The following ALOX5AP variants were observed in gnomAD, a reference collection of about 807,000 sequenced individuals.
ALOX5AP encodes the protein arachidonate 5-lipoxygenase-activating protein.
In ALOX5AP, 9 loss-of-function variants were observed where a neutral mutation model predicts 18.5. The ratio of observed to expected loss-of-function variants is 0.49; its 90% CI spans 0.29 to 0.85. The LOEUF is 0.85. Ranked by LOEUF, ALOX5AP falls within the 40% of genes least tolerant of loss-of-function variation. The pLI is 0.08. For synonymous variants in ALOX5AP, 81 were observed against 78.6 expected, an observed-to-expected ratio of 1.03 and a Z score of -0.16; for missense variants, 172 against 202.5, an observed-to-expected ratio of 0.85 and a Z score of 0.91.
At chr13:30,761,735 T>C (rs17238969) in intron 4 of ALOX5AP, among the ~76,000 whole-genome samples, 4,811 of 152,264 alleles carry the variant, frequency 0.032, 107 homozygotes, top group Non-Finnish European at 0.048. Flanking sequence ...GAGTGCCACC[T>C]TCTACCTGTG....
chr13:30,764,194 T>G lies in ALOX5AP; in HGVS notation c.*88T>G, dbSNP rs555235644. ...AGCTCTTGAGAGCATTCTGCTCTTC[T>G]TTAGATGGCTGTAAATCTATTGGCC... On this transcript the variant is annotated 3_prime_UTR_variant, in exon 5 of 5. Transcript: ENST00000380490. 51 of 1,379,818 alleles carry G rather than the reference T, an allele frequency of 3.7e-5. No homozygotes were observed. In the East Asian group the frequency reaches 1.2e-3, roughly 32 times the overall value. The allele number at this position is 1,379,818 out of a possible 1,614,324, so 85.5% of individuals were successfully genotyped here. A position where few individuals can be genotyped will look rare whatever the true frequency, so the allele number is the denominator to read the frequency against.
intron 2 of ALOX5AP, 126 bp from the exon 3 acceptor site, chr13:30,751,926 A>G: frequency 1.1e-6 from 1 of 916,676 alleles, no homozygotes; most frequent in South Asian, 1.6e-5. Flanking sequence ...TGTAAGTGGA[A>G]TTACGAATGG....
chr13:30,758,746 C>T (rs906489058), intron 4 of ALOX5AP, among the ~76,000 whole-genome samples: 34 of 152,040 alleles, frequency 2.2e-4, no homozygotes, highest in Non-Finnish European at 4.6e-4. Flanking sequence ...ATCTTGGTTT[C>T]GTTTCTTTTC....
At chr13:30,756,728 G>A (rs1040439633) in intron 4 of ALOX5AP, among the ~76,000 whole-genome samples, 1 of 146,062 alleles carries the variant, frequency 6.8e-6, no homozygotes, top group African/African-American at 2.6e-5. Context: ...CTGGAGAATC[G>A]CTTGAACCCA....
chr13:30,733,631 G>T (rs1043307029), upstream of ALOX5AP, among the ~76,000 whole-genome samples: 3 of 152,156 alleles, frequency 2.0e-5, no homozygotes, highest in Admixed American at 6.5e-5. Flanking sequence ...TTTTTTTCTG[G>T]GTGTGTTAGG....
chr13:30,714,425 A>G (rs1423321920), intron 1 of ALOX5AP, among the ~76,000 whole-genome samples: 1 of 151,988 alleles, frequency 6.6e-6, no homozygotes, highest in Non-Finnish European at 1.5e-5. Flanking sequence ...GATGTGGGGC[A>G]TCATCCACTT....
At chr13:30,760,220 A>G (rs1951929710) in intron 4 of ALOX5AP, among the ~76,000 whole-genome samples, 1 of 144,078 alleles carries the variant, frequency 6.9e-6, no homozygotes, top group Non-Finnish European at 1.5e-5. Flanking sequence ...TTCTGTTCCT[A>G]CCTCGTATTT....
chr13:30,713,841 G>GTT lies in ALOX5AP; in HGVS notation c.116_116+1insTT (p.Trp39CysfsTer26). 1 of 1,438,538 alleles carries GTT rather than the reference G, an allele frequency of 7.0e-7. No individual in the cohort carries two copies. The highest frequency in any genetic ancestry group is 1.2e-5 in the South Asian group (1 of 81,142). The allele number at this position is 1,438,538 out of a possible 1,614,324, so 89.1% of individuals were successfully genotyped here. On this transcript the variant is annotated frameshift_variant and splice_region_variant. Transcript: ENST00000617770. LOFTEE classifies it high-confidence loss of function. ...ATTGGGAACATAAGCCATCAGTGCT[G>GTT]GTGTGTGTGTGTGTGCGCGCACACG...
upstream of ALOX5AP, among the ~76,000 whole-genome samples, chr13:30,731,263 C>T (rs1041098183): frequency 1.3e-5 from 2 of 152,122 alleles, no homozygotes; most frequent in Admixed American, 6.5e-5. Context: ...GTTCTGAAGA[C>T]GATTCCGGTA....
intron 4 of ALOX5AP, among the ~76,000 whole-genome samples, chr13:30,762,393 A>G (rs148451672): frequency 7.2e-5 from 11 of 152,316 alleles, no homozygotes; most frequent in African/African-American, 2.4e-4. Context: ...GTTCGAGACC[A>G]GCCTGGCCAA....
At chr13:30,736,148 C>G (rs1380799002) in intron 1 of ALOX5AP, among the ~76,000 whole-genome samples, 1 of 152,106 alleles carries the variant, frequency 6.6e-6, no homozygotes, top group Non-Finnish European at 1.5e-5. Context: ...TAGAAAAAAT[C>G]ATCTTATTAT....
intron 4 of ALOX5AP, among the ~76,000 whole-genome samples, chr13:30,762,737 G>A (rs1265137756): frequency 3.3e-5 from 5 of 152,200 alleles, no homozygotes; most frequent in Admixed American, 1.3e-4. Context: ...TTGGCAGTAC[G>A]AAGTTAGCTG....
chr13:30,760,266 A>AG (rs937616858), intron 4 of ALOX5AP, among the ~76,000 whole-genome samples: 17 of 106,266 alleles, frequency 1.6e-4, no homozygotes, highest in South Asian at 3.6e-4. Context: ...GAAGTGGAGG[A>AG]GGGGGGGTGA....
chr13:30,756,078 AG>A, intron 4 of ALOX5AP, 53 bp downstream of exon 4: 1 of 1,545,234 alleles, frequency 6.5e-7, no homozygotes, highest in Non-Finnish European at 8.9e-7. Context: ...ATTTTTGAGC[AG>A]GAAGAGTGAC....
At chr13:30,757,269 A>G (rs1169069012) in intron 4 of ALOX5AP, among the ~76,000 whole-genome samples, 1 of 152,162 alleles carries the variant, frequency 6.6e-6, no homozygotes, top group African/African-American at 2.4e-5. Context: ...TGAAAGCGCT[A>G]TATCTGGAAA....
At chr13:30,737,389 C>G (rs1021166431) in intron 1 of ALOX5AP, among the ~76,000 whole-genome samples, 9 of 152,190 alleles carry the variant, frequency 5.9e-5, no homozygotes, top group Admixed American at 5.9e-4. Context: ...TCTAGCAAAC[C>G]CTGTTCAGAT....
intron 1 of ALOX5AP, among the ~76,000 whole-genome samples, chr13:30,723,465 G>A (rs1004967819): frequency 6.6e-6 from 1 of 152,132 alleles, no homozygotes; most frequent in Non-Finnish European, 1.5e-5. Flanking sequence ...GAAAATACAG[G>A]CCAAAGCAAA....
intron 1 of ALOX5AP, among the ~76,000 whole-genome samples, chr13:30,736,284 G>C (rs1951721131): frequency 6.7e-6 from 1 of 149,346 alleles, no homozygotes; most frequent in Non-Finnish European, 1.5e-5. Context: ...ACTTCAGAAA[G>C]AGAGAGAGAG....
intron 2 of ALOX5AP, among the ~76,000 whole-genome samples, chr13:30,751,758 G>A (rs1453030333): frequency 1.3e-5 from 2 of 152,138 alleles, no homozygotes; most frequent in African/African-American, 2.4e-5. Context: ...CAGGGGCACC[G>A]CCAGGAACAG....
Sources: gnomAD v4.1 joint callset for allele counts (sites outside exome capture counted in the v4.1 genomes callset) on GRCh38, gnomAD v4.1.1 for gene constraint, MANE v1.5 for transcripts, NCBI Gene and HGNC (gene_info 2026-07-23, HGNC 2026-07-21) for gene names.